DMBX1: variants seen among roughly 807,000 people sequenced by gnomAD.
DMBX1 encodes the protein diencephalon/mesencephalon homeobox protein 1.
Under a neutral mutation model 30.4 loss-of-function variants are expected in DMBX1, and 7 were observed. That is an observed-to-expected ratio of 0.23 (90% CI 0.13 to 0.43). The LOEUF (loss-of-function observed/expected upper bound fraction) is 0.43, where lower values mean the gene tolerates loss of function less well. Among genes scored for constraint, DMBX1 ranks in the 20% least tolerant of loss-of-function variants. The probability of loss-of-function intolerance (pLI) is 1.00; values close to 1 mark genes in which losing one functional copy is unlikely to be tolerated. For missense variants in DMBX1, 460 were observed against 508.5 expected, an observed-to-expected ratio of 0.90 and a Z score of 0.92; for synonymous variants, 222 against 214.2, an observed-to-expected ratio of 1.04 and a Z score of -0.32.
rs1666466759 is a variant in DMBX1, at chr1:46,515,153, G to A, written c.*2659G>A. Among the ~76,000 whole-genome samples the A allele has an allele frequency of 6.6e-6, 1 of 152,198 alleles. No homozygotes were observed. Among genetic ancestry groups the A allele is most frequent in the Admixed American group, 6.5e-5 (1 of 15,276 alleles). On this transcript the variant is annotated 3_prime_UTR_variant, in exon 6 of 6. Transcript: ENST00000360032. ...AGAGACTTAGGCAGCGCTGTGGGAG[G>A]TTGGCAGATTCCAGGAGTGACAGAG...
At position 46,497,289 on chromosome 1, in the gene DMBX1, A is replaced by G. The variant is rs183626403; in HGVS notation, c.-13+6506A>G. On this transcript the variant is annotated intron_variant, in intron 2 of 5. Transcript: ENST00000360032. ...GTTGTGTTGAAGTTTATTAGGTGAT[A>G]TACCTAGAATGAGTGAAACAAGACT... is the stretch of plus-strand genomic sequence containing the variant. 3.0e-3 allele frequency among the ~76,000 whole-genome samples: 462 copies of G among 152,300 alleles called. 4 individuals are homozygous for G. Among genetic ancestry groups the G allele is most frequent in the Non-Finnish European group, 4.3e-3 (291 of 68,032 alleles).
At chr1:46,508,857 G>C (rs1229538438) in intron 3 of DMBX1, among the ~76,000 whole-genome samples, 2 of 129,078 alleles carry the variant, frequency 1.5e-5, no homozygotes, top group Admixed American at 1.8e-4. Context: ...GGAGCCAGCA[G>C]TAGGATGCTG....
At chr1:46,502,652 C>T (rs1284230334) in intron 2 of DMBX1, among the ~76,000 whole-genome samples, 1 of 152,062 alleles carries the variant, frequency 6.6e-6, no homozygotes, top group East Asian at 1.9e-4. Context: ...TTTGGGAGGC[C>T]AAGGCAGGAG....
In DMBX1 at chr1:46,493,678, G is replaced by A. The variant is rs957908251; in HGVS notation, c.-13+2895G>A. Among the ~76,000 whole-genome samples the A allele has an allele frequency of 6.6e-6, 1 of 152,224 alleles. No individual in the cohort carries two copies. Among genetic ancestry groups the A allele is most frequent in the Admixed American group, 6.5e-5 (1 of 15,284 alleles). On this transcript the variant is annotated intron_variant, in intron 2 of 5. Transcript: ENST00000360032. The surrounding 1 kb of genome is among the most constrained non-coding windows in gnomAD (Gnocchi z 4.1). ...TGTGGGCGCTGCTTCCATGAGCCCC[G>A]AGGCCACTGGAGCCCACTGGGTTTC...
chr1:46,502,424 C>G (rs1461653110), intron 2 of DMBX1, among the ~76,000 whole-genome samples: 3 of 151,766 alleles, frequency 2.0e-5, no homozygotes, highest in African/African-American at 7.3e-5. Flanking sequence ...GCTGATTCTA[C>G]CTTCAAAATA....
intron 2 of DMBX1, among the ~76,000 whole-genome samples, chr1:46,494,811 A>G (rs1665998629): frequency 1.3e-5 from 2 of 151,988 alleles, no homozygotes; most frequent in Non-Finnish European, 2.9e-5. Context: ...CTCAGTGGAG[A>G]TGAAAGGAGG....
In DMBX1 at chr1:46,511,237, G is replaced by A; in HGVS notation, c.636G>A (p.Gly212=). The A allele has an allele frequency of 1.2e-6, 2 of 1,610,606 alleles. No individual in the cohort carries two copies. Residue 212 remains glycine (G), a synonymous_variant, in exon 5 of 6, where the codon GGG becomes GGA. Transcript: ENST00000360032. ...ACCCCAAAGCTGAGAAGAGCCCTGG[G>A]GCTGACAGCAAGGGGCTGGGCTGCA... ...AEDPKAEKSP[G]ADSKGLGCKR...
chr1:46,515,174 C>G lies in DMBX1; in HGVS notation c.*2680C>G, dbSNP rs1666466995. On this transcript the variant is annotated 3_prime_UTR_variant, in exon 6 of 6. Transcript: ENST00000360032. Reference sequence around the variant, plus strand: ...GGAGGTTGGCAGATTCCAGGAGTGACAGAGGAGGTTTTTGGTTTGGGAGGG... The same window carrying G: ...GGAGGTTGGCAGATTCCAGGAGTGAGAGAGGAGGTTTTTGGTTTGGGAGGG... Among the ~76,000 whole-genome samples, 1 of 152,148 alleles carries G rather than the reference C, an allele frequency of 6.6e-6. No individual in the cohort carries two copies. Among genetic ancestry groups the G allele is most frequent in the Non-Finnish European group, 1.5e-5 (1 of 68,034 alleles).
At chr1:46,511,813 G>C (rs555404131) in intron 5 of DMBX1, among the ~76,000 whole-genome samples, 1 of 152,182 alleles carries the variant, frequency 6.6e-6, no homozygotes, top group South Asian at 2.1e-4. Context: ...AGAGACAGAC[G>C]TGGGGGCCTT....
At position 46,514,995 on chromosome 1, in the gene DMBX1, G is replaced by A. The variant is rs555022550; in HGVS notation, c.*2501G>A. 2.4e-4 allele frequency among the ~76,000 whole-genome samples: 37 copies of A among 152,228 alleles called. No individual in the cohort carries two copies. In the South Asian group the frequency reaches 7.5e-3, roughly 31 times the overall value. ...ACGAGAGGTGGGGCTAAGGGGCCTG[G>A]AATCCAGGCTAAAGACCACACCTAC... is the stretch of plus-strand genomic sequence containing the variant. On this transcript the variant is annotated 3_prime_UTR_variant, in exon 6 of 6. Coordinates refer to ENST00000360032, the MANE Select transcript of DMBX1 (RefSeq NM_172225.2).
intron 3 of DMBX1, among the ~76,000 whole-genome samples, chr1:46,509,778 C>A (rs79226216): frequency 0.029 from 4,385 of 152,174 alleles, 75 homozygotes; most frequent in East Asian, 0.045. Flanking sequence ...GTGCAACAAG[C>A]CTTACCTGAG....
Position 46,506,991 on chromosome 1 carries a change from G to T in DMBX1, c.-12-8G>T, listed in dbSNP as rs201158496. 2.9e-5 allele frequency: 47 copies of T among 1,613,406 alleles called. No homozygotes were observed. In the Admixed American group the frequency reaches 7.8e-4, roughly 27 times the overall value. The stretch of plus-strand genomic sequence containing the variant: ...GCCTCATGGCCCCTCTCCCTTTTCC[G>T]TCTGTAGGCGGATGCCGCCATGCAG... On this transcript the variant is annotated splice_polypyrimidine_tract_variant and splice_region_variant and intron_variant, in intron 2 of 5. Transcript: ENST00000360032.
At chr1:46,497,291 A>T (rs1013854009) in intron 2 of DMBX1, among the ~76,000 whole-genome samples, 1 of 152,146 alleles carries the variant, frequency 6.6e-6, no homozygotes, top group African/African-American at 2.4e-5. Context: ...TAGGTGATAT[A>T]CCTAGAATGA....
At chr1:46,490,345 T>C (rs1665906030) in intron 1 of DMBX1, among the ~76,000 whole-genome samples, 1 of 151,826 alleles carries the variant, frequency 6.6e-6, no homozygotes, top group South Asian at 2.1e-4. Flanking sequence ...ATTTGGAAGA[T>C]ATTACTTCGC....
chr1:46,506,716 G>A (rs1666242429), intron 2 of DMBX1, among the ~76,000 whole-genome samples: 1 of 152,196 alleles, frequency 6.6e-6, no homozygotes, highest in African/African-American at 2.4e-5. Context: ...CCTGAGTGGT[G>A]GACTTGAGGT....
At chr1:46,505,766 T>A (rs1286425185) in intron 2 of DMBX1, among the ~76,000 whole-genome samples, 1 of 145,026 alleles carries the variant, frequency 6.9e-6, no homozygotes, top group African/African-American at 2.6e-5. Context: ...TAAAAAAAAA[T>A]AAAACATTAA....
chr1:46,502,002 A>G (rs896322281), intron 2 of DMBX1, among the ~76,000 whole-genome samples: 1 of 152,160 alleles, frequency 6.6e-6, no homozygotes, highest in African/African-American at 2.4e-5. Context: ...ACTGAGGTGT[A>G]AATTCTTCAT....
chr1:46,496,579 C>T (rs1384586057), intron 2 of DMBX1, among the ~76,000 whole-genome samples: 1 of 152,192 alleles, frequency 6.6e-6, no homozygotes, highest in African/African-American at 2.4e-5. Context: ...AAATCTTGGA[C>T]CCAAAAGCTC....
intron 2 of DMBX1, among the ~76,000 whole-genome samples, chr1:46,494,606 G>A (rs1380533871): frequency 4.6e-5 from 7 of 152,192 alleles, no homozygotes; most frequent in Non-Finnish European, 7.3e-5. Flanking sequence ...CTCCCAGTGG[G>A]TTCTTCTCCT....
Sources: gnomAD v4.1 joint callset for allele counts (sites outside exome capture counted in the v4.1 genomes callset) on GRCh38, gnomAD v4.1.1 for gene constraint, Gnocchi (gnomAD v3.1) non-coding constraint, MANE v1.5 for transcripts, NCBI Gene and HGNC (gene_info 2026-07-23, HGNC 2026-07-21) for gene names.